Variants in RNF130 observed in about 807,000 individuals in gnomAD.
The protein encoded by RNF130 is E3 ubiquitin-protein ligase RNF130.
RNF130 carries 21 observed loss-of-function variants against 44.6 expected under a neutral mutation model. The observed-to-expected ratio is 0.47, with a 90% CI of 0.33 to 0.68. The LOEUF is 0.68. Among genes scored for constraint, RNF130 ranks in the 30% least tolerant of loss-of-function variants. RNF130 has a pLI of 0.02. For synonymous variants in RNF130, 214 were observed against 210.4 expected (o/e 1.02, Z -0.15); for missense variants, 479 against 560.6 (o/e 0.85, Z 1.47).
At chr5:179,963,870 C>A (rs944893879) in intron 7 of RNF130, 6 of 321,438 alleles carry the variant, frequency 1.9e-5, no homozygotes, top group African/African-American at 1.3e-4. Context: ...TAAAATTGCA[C>A]AAGGACATAG....
At position 180,034,395 on chromosome 5, in the gene RNF130, T is replaced by C. The variant is rs546154446; in HGVS notation, c.442+6058A>G. Among the ~76,000 whole-genome samples the C allele has an allele frequency of 2.6e-5, 4 of 152,352 alleles. No individual in the cohort carries two copies. In the East Asian group the frequency reaches 5.8e-4, roughly 22 times the overall value. On this transcript the variant is annotated intron_variant, in intron 2 of 8. Transcript: ENST00000521389. ...GTAAAAACCAGCTCCACAGAATAAG[T>C]TGAGAAATGTTCTCTATTTTCTGAA... is the stretch of plus-strand genomic sequence containing the variant.
intron 1 of RNF130, among the ~76,000 whole-genome samples, chr5:180,048,042 T>G (rs1430386073): frequency 1.3e-5 from 2 of 151,654 alleles, no homozygotes; most frequent in African/African-American, 4.9e-5. Flanking sequence ...TACTAACATC[T>G]CATGCTGAGC....
At chr5:179,968,090 T>C (rs1762490321) in intron 6 of RNF130, among the ~76,000 whole-genome samples, 1 of 148,984 alleles carries the variant, frequency 6.7e-6, no homozygotes, top group African/African-American at 2.5e-5. Flanking sequence ...GGTCAGGAGA[T>C]CGAGACCATC....
chr5:179,985,150 TAA>T (rs1408209741), intron 3 of RNF130, among the ~76,000 whole-genome samples: 7 of 111,284 alleles, frequency 6.3e-5, no homozygotes, highest in Admixed American at 2.5e-4. Flanking sequence ...CTTTACCCCC[TAA>T]CTTTTTTTTT....
At chr5:179,965,361 T>C (rs1330813516) in intron 7 of RNF130, among the ~76,000 whole-genome samples, 4 of 152,248 alleles carry the variant, frequency 2.6e-5, no homozygotes, top group Non-Finnish European at 5.9e-5. Context: ...CAGAGGTAGC[T>C]GTGGTTTAGT....
intron 7 of RNF130, among the ~76,000 whole-genome samples, chr5:179,933,325 T>C (rs1483383595): frequency 1.3e-5 from 2 of 151,984 alleles, no homozygotes; most frequent in African/African-American, 4.8e-5. Context: ...CCTGTATCAA[T>C]TTTGGTACTT....
chr5:179,979,378 C>T (rs1024463321), intron 4 of RNF130, among the ~76,000 whole-genome samples: 10 of 150,634 alleles, frequency 6.6e-5, no homozygotes, highest in Non-Finnish European at 1.3e-4. Flanking sequence ...TGGGTAAAGT[C>T]CAAGAAATTG....
At chr5:179,940,573 T>C (rs184623304) in intron 7 of RNF130, among the ~76,000 whole-genome samples, 32 of 152,312 alleles carry the variant, frequency 2.1e-4, no homozygotes, top group African/African-American at 7.7e-4. Flanking sequence ...TTTTATGTTA[T>C]GAGAATTTCA....
intron 7 of RNF130, among the ~76,000 whole-genome samples, chr5:179,941,504 A>G (rs925796824): frequency 6.6e-6 from 1 of 152,092 alleles, no homozygotes; most frequent in Non-Finnish European, 1.5e-5. Flanking sequence ...TTGGTGGCCC[A>G]TGAATTCCGA....
chr5:179,924,548 A>G (rs962194971), intron 7 of RNF130, among the ~76,000 whole-genome samples: 3 of 151,760 alleles, frequency 2.0e-5, no homozygotes, highest in African/African-American at 7.3e-5. Context: ...CTGTAATCCC[A>G]GCACTTTGGG....
chr5:179,969,478 AGCC>A (rs1316417739), intron 6 of RNF130, among the ~76,000 whole-genome samples: 1 of 152,130 alleles, frequency 6.6e-6, no homozygotes, highest in Non-Finnish European at 1.5e-5. Flanking sequence ...AACAGCATAC[AGCC>A]TACCTTCTAA....
In RNF130 at chr5:179,999,934, T is replaced by C. The variant is rs370726913; in HGVS notation, c.693+13127A>G. Among the ~76,000 whole-genome samples the C allele has an allele frequency of 3.9e-5, 6 of 152,338 alleles. No individual in the cohort carries two copies. In the South Asian group the frequency reaches 6.2e-4, roughly 16 times the overall value. On this transcript the variant is annotated intron_variant, in intron 3 of 8. Transcript: ENST00000521389. Reference sequence around the variant, plus strand: ...TTTTATATATCCTTTGTTATTTTTGTTCTCTCCTATTGTTTATCATTAAGG... The same window carrying C: ...TTTTATATATCCTTTGTTATTTTTGCTCTCTCCTATTGTTTATCATTAAGG...
chr5:179,996,385 C>G (rs1280956009), intron 3 of RNF130, among the ~76,000 whole-genome samples: 1 of 152,164 alleles, frequency 6.6e-6, no homozygotes, highest in Non-Finnish European at 1.5e-5. Context: ...AAGTGGGCAT[C>G]CTGTGTTTTT....
chr5:180,062,173 G>A (rs1582232504), intron 1 of RNF130, among the ~76,000 whole-genome samples: 1 of 151,550 alleles, frequency 6.6e-6, no homozygotes, highest in East Asian at 1.9e-4. Flanking sequence ...TCCTGCCTCA[G>A]CCTCCTGAGT....
At chr5:180,015,344 C>A (rs541630193) in intron 2 of RNF130, 2 of 533,682 alleles carry the variant, frequency 3.7e-6, no homozygotes, top group Non-Finnish European at 7.7e-6. Flanking sequence ...AGACGGATCC[C>A]ACAAACGACA....
In RNF130 at chr5:180,013,080, T is replaced by C; in HGVS notation, c.674A>G (p.Asn225Ser). The change falls in exon 3 of 9, where the codon AAT becomes AGT. Residue 225 changes from asparagine (N) to serine (S), a missense_variant. Transcript: ENST00000521389. ...GCTCACCTGGTTCCTGTCGCGTGCA[T>C]TTGTGTACCTGATCTTCTGAATGAA... is the stretch of plus-strand genomic sequence containing the variant. ...FYFIQKIRYT[N>S]ARDRNQRRLG... is the part of the protein sequence containing the mutation. 1 of 1,613,812 alleles carries C rather than the reference T, an allele frequency of 6.2e-7. No individual in the cohort carries two copies. Among genetic ancestry groups the C allele is most frequent in the Non-Finnish European group, 8.5e-7 (1 of 1,179,996 alleles).
At chr5:179,919,017 C>T (rs996658798) in exon 8 of RNF130, 1 of 152,260 alleles carries the variant, frequency 6.6e-6, no homozygotes, top group African/African-American at 2.4e-5. Flanking sequence ...GGATCTGACC[C>T]TGGGCATGTG....
intron 3 of RNF130, among the ~76,000 whole-genome samples, chr5:180,008,707 A>AT (rs1763517394): frequency 6.6e-6 from 1 of 152,114 alleles, no homozygotes; most frequent in African/African-American, 2.4e-5. Context: ...CAACACAGTG[A>AT]AACCTCATCT....
At chr5:180,030,903 C>T (rs190797688) in intron 2 of RNF130, among the ~76,000 whole-genome samples, 1 of 152,220 alleles carries the variant, frequency 6.6e-6, no homozygotes, top group East Asian at 1.9e-4. Flanking sequence ...GTGAACTGTC[C>T]AGATCCACTT....
Sources: allele counts gnomAD v4.1 joint callset (sites outside exome capture counted in the v4.1 genomes callset), GRCh38; gene constraint gnomAD v4.1.1; transcripts MANE v1.5; gene names NCBI Gene and HGNC (gene_info 2026-07-23, HGNC 2026-07-21).